Variants in NCKAP5 observed in about 807,000 individuals in gnomAD.
The protein encoded by NCKAP5 is NCK associated protein 5.
NCKAP5 carries 92 observed loss-of-function variants against 167.0 expected under a neutral mutation model. The observed-to-expected ratio is 0.55, with a 90% CI of 0.47 to 0.66. The LOEUF (loss-of-function observed/expected upper bound fraction) is 0.66, where lower values mean the gene tolerates loss of function less well. NCKAP5 is among the 30% of genes least tolerant of loss of function. The probability of loss-of-function intolerance (pLI) is 0.00; values close to 1 mark genes in which losing one functional copy is unlikely to be tolerated. For missense variants in NCKAP5, 2,378 were observed against 2,315.0 expected (o/e 1.03, Z -0.56); for synonymous variants, 891 against 877.4 (o/e 1.02, Z -0.27).
At chr2:132,735,191 T>A (rs2105518386) in intron 16 of NCKAP5, among the ~76,000 whole-genome samples, 1 of 152,348 alleles carries the variant, frequency 6.6e-6, no homozygotes, top group African/African-American at 2.4e-5. Flanking sequence ...TTTTTAGAGT[T>A]TACTTTGCCT....
At chr2:133,481,462 G>A (rs1485570396) in intron 3 of NCKAP5, among the ~76,000 whole-genome samples, 1 of 152,176 alleles carries the variant, frequency 6.6e-6, no homozygotes, top group Middle Eastern at 3.2e-3. Flanking sequence ...TTTAAGTTCA[G>A]TATACAGGTT....
intron 5 of NCKAP5, among the ~76,000 whole-genome samples, chr2:133,196,166 G>A (rs141510179): frequency 6.3e-4 from 96 of 152,300 alleles, no homozygotes; most frequent in African/African-American, 2.0e-3. Flanking sequence ...ACCTGCCAAT[G>A]TTTTGCCATG....
At chr2:132,907,326 C>T (rs1400798393) in intron 8 of NCKAP5, among the ~76,000 whole-genome samples, 1 of 152,156 alleles carries the variant, frequency 6.6e-6, no homozygotes, top group East Asian at 1.9e-4. Context: ...ACCTTGAGGA[C>T]ACACCTGGCT....
intron 16 of NCKAP5, among the ~76,000 whole-genome samples, chr2:132,771,850 T>G (rs1326085562): frequency 2.0e-4 from 29 of 144,616 alleles, no homozygotes; most frequent in African/African-American, 7.5e-4. Context: ...TTTTTTTTTT[T>G]TTTTTTTTTT....
intron 3 of NCKAP5, among the ~76,000 whole-genome samples, chr2:133,419,354 G>A (rs1443457524): frequency 6.6e-6 from 1 of 152,190 alleles, no homozygotes; most frequent in East Asian, 1.9e-4. Flanking sequence ...CCACTGGAAA[G>A]GCCACAGACT....
At chr2:133,619,780 T>C in the NCKAP5 span, among the ~76,000 whole-genome samples, 1 of 152,088 alleles carries the variant, frequency 6.6e-6, no homozygotes, top group South Asian at 2.1e-4. Context: ...TGTAAAAAGA[T>C]CATCACCTAG....
the NCKAP5 span, among the ~76,000 whole-genome samples, chr2:133,587,734 C>T: frequency 6.6e-6 from 1 of 152,214 alleles, no homozygotes; most frequent in African/African-American, 2.4e-5. Flanking sequence ...ATGCAGCCCA[C>T]GTTTCTCTCT....
chr2:132,924,345 T>A (rs963435037), intron 8 of NCKAP5, among the ~76,000 whole-genome samples: 1 of 152,138 alleles, frequency 6.6e-6, no homozygotes, highest in Non-Finnish European at 1.5e-5. Flanking sequence ...TAGATGGAAG[T>A]TTTGTTGCAA....
chr2:133,560,077 A>C (rs776597418), intron 1 of NCKAP5, among the ~76,000 whole-genome samples: 2 of 152,238 alleles, frequency 1.3e-5, no homozygotes, highest in Non-Finnish European at 2.9e-5. Flanking sequence ...ATAAAGAGGT[A>C]CTCACACACT....
Position 133,483,618 on chromosome 2 carries a change from C to CA in NCKAP5, c.69+33839dup, listed in dbSNP as rs1265374681. 7.3e-4 allele frequency among the ~76,000 whole-genome samples: 87 copies of CA among 119,538 alleles called. No individual in the cohort carries two copies. The East Asian group carries it at 0.011, about 15-fold the overall frequency. 78.4% of individuals were successfully genotyped at this position (119,538 alleles called of 152,430 possible). ...TTTTGAGAACTTTGCTAATACTCTG[C>CA]AAAAAAAAAGGGGGGGGGGCTTTTT... On this transcript the variant is annotated intron_variant, in intron 3 of 19. Coordinates refer to ENST00000409261, the MANE Select transcript of NCKAP5 (RefSeq NM_207363.3).
chr2:133,002,014 T>C (rs2077799304), intron 6 of NCKAP5, among the ~76,000 whole-genome samples: 1 of 152,104 alleles, frequency 6.6e-6, no homozygotes, highest in African/African-American at 2.4e-5. Flanking sequence ...GTAGATTATA[T>C]GAAAATATGG....
intron 5 of NCKAP5, among the ~76,000 whole-genome samples, chr2:133,205,296 T>C (rs1481772427): frequency 6.6e-6 from 1 of 151,158 alleles, no homozygotes; most frequent in Non-Finnish European, 1.5e-5. Context: ...TGAAATTAGA[T>C]AGATAGATAG....
intron 11 of NCKAP5, among the ~76,000 whole-genome samples, chr2:132,853,462 T>C (rs1209202917): frequency 1.3e-5 from 2 of 152,200 alleles, no homozygotes; most frequent in African/African-American, 2.4e-5. Flanking sequence ...GGATGGTTTA[T>C]GTAAAGCCAG....
At chr2:133,437,921 C>A (rs2151150663) in intron 3 of NCKAP5, among the ~76,000 whole-genome samples, 1 of 150,720 alleles carries the variant, frequency 6.6e-6, no homozygotes, top group South Asian at 2.1e-4. Context: ...ATTATTTTAT[C>A]TATTTTACTT....
intron 1 of NCKAP5, among the ~76,000 whole-genome samples, chr2:133,564,660 T>G (rs1211587236): frequency 6.6e-6 from 1 of 152,136 alleles, no homozygotes; most frequent in Non-Finnish European, 1.5e-5. Flanking sequence ...GGGAACGTTG[T>G]CAGATGAAGC....
In NCKAP5 at chr2:133,170,389, C is replaced by T. The variant is rs185094438; in HGVS notation, c.208-40278G>A. Among the ~76,000 whole-genome samples, 25 of 152,244 alleles carry T rather than the reference C, an allele frequency of 1.6e-4. No individual in the cohort carries two copies. The East Asian group carries it at 4.8e-3, about 29-fold the overall frequency. ...TTCTCTGGGTTGTAAAAAGCTTGTG[C>T]AGATGCTGTGCAGAAATGGTGTGTC... On this transcript the variant is annotated intron_variant, in intron 5 of 19. Transcript: ENST00000409261.
At chr2:133,613,940 G>C in the NCKAP5 span, among the ~76,000 whole-genome samples, 1 of 152,186 alleles carries the variant, frequency 6.6e-6, no homozygotes, top group Non-Finnish European at 1.5e-5. Context: ...TCGTTGGAGA[G>C]AGCATTCAAA....
rs146188366 is a variant in NCKAP5 at position 132,740,268 on chromosome 2, A to G, written c.5129-8217T>C. Among the ~76,000 whole-genome samples, 51 of 152,260 alleles carry G rather than the reference A, an allele frequency of 3.3e-4. No individual in the cohort carries two copies. The East Asian group carries it at 9.7e-3, about 29-fold the overall frequency. ...GGGTGTTTAATATTCATACCATCTT[A>G]TTAATTGGCATGCATTCCTATAATG... On this transcript the variant is annotated intron_variant, in intron 16 of 19. Transcript: ENST00000409261.
At chr2:132,815,787 T>G (rs1686223056) in intron 11 of NCKAP5, among the ~76,000 whole-genome samples, 1 of 152,222 alleles carries the variant, frequency 6.6e-6, no homozygotes, top group Non-Finnish European at 1.5e-5. Context: ...CTGTGGTTAA[T>G]GTTAACTGCC....
Sources: gnomAD v4.1 joint callset for allele counts (sites outside exome capture counted in the v4.1 genomes callset) on GRCh38, gnomAD v4.1.1 for gene constraint, MANE v1.5 for transcripts, NCBI Gene and HGNC (gene_info 2026-07-23, HGNC 2026-07-21) for gene names.